SLCO6A1: variants seen among roughly 807,000 people sequenced by gnomAD.
SLCO6A1 encodes the protein cancer/testis antigen 48.
Under a neutral mutation model 72.7 loss-of-function variants are expected in SLCO6A1, and 65 were observed. The ratio of observed to expected loss-of-function variants is 0.89; its 90% CI spans 0.73 to 1.10. SLCO6A1 has a LOEUF of 1.10. Among genes scored for constraint, SLCO6A1 ranks in the 50% least tolerant of loss-of-function variants. SLCO6A1 has a pLI of 0.00. For missense variants in SLCO6A1, 874 were observed against 872.6 expected, an observed-to-expected ratio of 1.00 and a Z score of -0.02; for synonymous variants, 314 against 298.2, an observed-to-expected ratio of 1.05 and a Z score of -0.55.
chr5:102,455,027 T>TATATATATATACACATAA (rs144619414), intron 6 of SLCO6A1, among the ~76,000 whole-genome samples: 1 of 141,830 alleles, frequency 7.1e-6, no homozygotes, highest in African/African-American at 2.7e-5. Context: ...TATATATATA[T>TATATATATATACACATAA]AAATTATGTT....
chr5:102,373,547 T>A (rs1461153224), intron 12 of SLCO6A1, 53 bp from the exon 13 acceptor site: 4 of 1,266,522 alleles, frequency 3.2e-6, no homozygotes, highest in Non-Finnish European at 4.1e-6. Context: ...AGAACAAAAA[T>A]GTAGGCAAAA....
chr5:102,393,468 A>T (rs1208772298), intron 10 of SLCO6A1, among the ~76,000 whole-genome samples: 1 of 152,086 alleles, frequency 6.6e-6, no homozygotes, highest in African/African-American at 2.4e-5. Context: ...TGAAATACTT[A>T]TCTTCCATCC....
At chr5:102,402,609 C>T (rs762464596) in intron 9 of SLCO6A1, among the ~76,000 whole-genome samples, 2 of 152,076 alleles carry the variant, frequency 1.3e-5, no homozygotes, top group African/African-American at 2.4e-5. Context: ...TGCATCATCT[C>T]ATGGCAGAAG....
chr5:102,465,681 C>T (rs1202423574), intron 4 of SLCO6A1, among the ~76,000 whole-genome samples: 1 of 152,086 alleles, frequency 6.6e-6, no homozygotes, highest in Non-Finnish European at 1.5e-5. Flanking sequence ...TTAGTAGTGA[C>T]AAGGTCTGAG....
At chr5:102,384,150 T>C (rs1447666440) in intron 12 of SLCO6A1, among the ~76,000 whole-genome samples, 2 of 151,928 alleles carry the variant, frequency 1.3e-5, no homozygotes, top group African/African-American at 4.8e-5. Flanking sequence ...GTTATTTTTT[T>C]CTATTATTTT....
chr5:102,373,634 G>T, intron 12 of SLCO6A1, 140 bp from the exon 13 acceptor site: 1 of 438,630 alleles, frequency 2.3e-6, no homozygotes, highest in Non-Finnish European at 3.8e-6. Flanking sequence ...TGCAATTAAT[G>T]CCATAAAATT....
At chr5:102,374,501 G>A (rs1745669335) in intron 12 of SLCO6A1, among the ~76,000 whole-genome samples, 1 of 151,962 alleles carries the variant, frequency 6.6e-6, no homozygotes, top group Non-Finnish European at 1.5e-5. Context: ...GTTTGCCCAG[G>A]CTGGTCTTGA....
intron 6 of SLCO6A1, among the ~76,000 whole-genome samples, chr5:102,448,697 T>A (rs912221067): frequency 6.6e-6 from 1 of 152,210 alleles, no homozygotes; most frequent in Non-Finnish European, 1.5e-5. Context: ...CAATCCCTGC[T>A]CTTTATTGCT....
chr5:102,459,465 ATAT>A (rs1166780513), intron 5 of SLCO6A1, among the ~76,000 whole-genome samples, 188 bp downstream of exon 5: 2 of 152,046 alleles, frequency 1.3e-5, no homozygotes, highest in African/African-American at 4.8e-5. Flanking sequence ...AAATCAAATA[ATAT>A]TTGGCTGTAA....
chr5:102,382,967 G>GTA (rs1746195909), intron 12 of SLCO6A1, among the ~76,000 whole-genome samples: 1 of 148,490 alleles, frequency 6.7e-6, no homozygotes. Context: ...ATATATATGT[G>GTA]TATATATATG....
intron 6 of SLCO6A1, among the ~76,000 whole-genome samples, chr5:102,444,271 T>C (rs1177809911): frequency 6.6e-6 from 1 of 152,192 alleles, no homozygotes; most frequent in East Asian, 1.9e-4. Flanking sequence ...CCAGGGCTTA[T>C]TGAAGGTGGG....
At chr5:102,399,833 C>A (rs553790026) in intron 9 of SLCO6A1, 91 bp from the exon 10 acceptor site, 1 of 814,182 alleles carries the variant, frequency 1.2e-6, no homozygotes, top group Non-Finnish European at 1.8e-6. Flanking sequence ...TCAATAACTG[C>A]AAGGAGACTC....
At chr5:102,417,878 C>G (rs1177670306) in intron 8 of SLCO6A1, among the ~76,000 whole-genome samples, 2 of 151,956 alleles carry the variant, frequency 1.3e-5, no homozygotes, top group Non-Finnish European at 2.9e-5. Flanking sequence ...TGCCTGTAAT[C>G]CCAGCTACTA....
At chr5:102,447,729 T>C (rs1750194663) in intron 6 of SLCO6A1, among the ~76,000 whole-genome samples, 1 of 152,080 alleles carries the variant, frequency 6.6e-6, no homozygotes, top group Admixed American at 6.5e-5. Flanking sequence ...TTCCCCTTTG[T>C]CATTTCTGAT....
chr5:102,388,137 G>A (rs190439227), intron 12 of SLCO6A1, among the ~76,000 whole-genome samples: 5 of 152,166 alleles, frequency 3.3e-5, no homozygotes, highest in East Asian at 1.9e-4. Flanking sequence ...TTTTACTGTG[G>A]AGGTAGAAAG....
intron 6 of SLCO6A1, among the ~76,000 whole-genome samples, chr5:102,439,922 T>C (rs1478649820): frequency 6.6e-6 from 1 of 152,238 alleles, no homozygotes; most frequent in Non-Finnish European, 1.5e-5. Flanking sequence ...TCCAGAACTA[T>C]GTCATTTCCA....
chr5:102,427,910 C>T (rs1749004504), intron 7 of SLCO6A1, among the ~76,000 whole-genome samples: 1 of 126,624 alleles, frequency 7.9e-6, no homozygotes, highest in African/African-American at 3.0e-5. Flanking sequence ...TGCTCTGTCA[C>T]TAGGTTGGAG....
At chr5:102,427,039 T>C (rs565474971) in intron 7 of SLCO6A1, among the ~76,000 whole-genome samples, 3 of 152,038 alleles carry the variant, frequency 2.0e-5, no homozygotes, top group South Asian at 4.2e-4. Context: ...ACATCACATA[T>C]TCTTACTCAT....
intron 9 of SLCO6A1, among the ~76,000 whole-genome samples, chr5:102,401,016 T>C (rs1040347452): frequency 2.0e-5 from 3 of 151,364 alleles, no homozygotes; most frequent in African/African-American, 7.3e-5. Context: ...TAATGATAAG[T>C]GCTATGGAGA....
Sources: gnomAD v4.1 joint callset for allele counts (sites outside exome capture counted in the v4.1 genomes callset) on GRCh38, gnomAD v4.1.1 for gene constraint, MANE v1.5 for transcripts, NCBI Gene and HGNC (gene_info 2026-07-23, HGNC 2026-07-21) for gene names.